Variants in AGBL4 observed in about 807,000 individuals in gnomAD.
AGBL4 encodes the protein cytosolic carboxypeptidase 6.
A neutral mutation model predicts 66.4 loss-of-function variants in AGBL4; 58 were observed. That is an observed-to-expected ratio of 0.87 (90% CI 0.71 to 1.09). The LOEUF is 1.09. Ranked by LOEUF, AGBL4 falls within the 50% of genes least tolerant of loss-of-function variation. AGBL4 has a pLI of 0.00. For synonymous variants in AGBL4, 234 were observed against 222.9 expected (o/e 1.05, Z -0.44); for missense variants, 579 against 631.0 (o/e 0.92, Z 0.88).
rs1411090426 is a variant in AGBL4 at position 49,853,579 on chromosome 1, C to G, written c.35-2061G>C. Reference sequence around the variant, plus strand: ...GAGTAAGAATGAAGCAGAAAGATACCTGAAGATATAACACCTGAGAATTTT... The same window carrying G: ...GAGTAAGAATGAAGCAGAAAGATACGTGAAGATATAACACCTGAGAATTTT... On this transcript the variant is annotated intron_variant, in intron 1 of 13. Transcript: ENST00000371839. Among the ~76,000 whole-genome samples the G allele has an allele frequency of 2.0e-5, 3 of 151,914 alleles. No individual in the cohort carries two copies. In the East Asian group the frequency reaches 5.8e-4, roughly 29 times the overall value.
chr1:48,525,003 G>A, the AGBL4 span, among the ~76,000 whole-genome samples: 1 of 152,060 alleles, frequency 6.6e-6, no homozygotes, highest in Non-Finnish European at 1.5e-5. Flanking sequence ...AGAAAAGGAG[G>A]GGTGTCAGCA....
At chr1:49,361,927 G>A (rs1266636124) in intron 3 of AGBL4, among the ~76,000 whole-genome samples, 1 of 152,084 alleles carries the variant, frequency 6.6e-6, no homozygotes, top group Non-Finnish European at 1.5e-5. Context: ...ATCTGTAATT[G>A]AATGTATAAT....
chr1:49,073,974 C>A (rs983953623), intron 4 of AGBL4, among the ~76,000 whole-genome samples: 1 of 152,146 alleles, frequency 6.6e-6, no homozygotes, highest in Non-Finnish European at 1.5e-5. Context: ...TAGAGAGGCA[C>A]CTTGCTGAGC....
intron 3 of AGBL4, among the ~76,000 whole-genome samples, chr1:49,531,478 T>A (rs1383317488): frequency 1.3e-5 from 2 of 152,100 alleles, no homozygotes; most frequent in Non-Finnish European, 2.9e-5. Flanking sequence ...AAAATGAGAA[T>A]AACCAAAGGA....
chr1:48,570,863 A>C (rs1442449272), intron 11 of AGBL4, among the ~76,000 whole-genome samples: 1 of 152,130 alleles, frequency 6.6e-6, no homozygotes, highest in Non-Finnish European at 1.5e-5. Context: ...CTTTCTTATG[A>C]GGGAACTCAA....
At chr1:49,088,029 A>C (rs1644938243) in intron 4 of AGBL4, among the ~76,000 whole-genome samples, 1 of 152,250 alleles carries the variant, frequency 6.6e-6, no homozygotes, top group South Asian at 2.1e-4. Context: ...CTGATAGGCA[A>C]ATAGTAACAC....
intron 3 of AGBL4, among the ~76,000 whole-genome samples, chr1:49,349,664 C>G (rs1424075919): frequency 1.3e-5 from 2 of 152,240 alleles, no homozygotes; most frequent in African/African-American, 4.8e-5. Flanking sequence ...TTTGCCCCCT[C>G]TAGACTGGTA....
chr1:49,834,863 T>A (rs1225208199), intron 2 of AGBL4, among the ~76,000 whole-genome samples: 2 of 152,212 alleles, frequency 1.3e-5, no homozygotes, highest in African/African-American at 4.8e-5. Flanking sequence ...TTGTTCAGTT[T>A]CCATATAGCT....
At chr1:50,006,677 A>G (rs1168269716) in intron 1 of AGBL4, among the ~76,000 whole-genome samples, 1 of 151,902 alleles carries the variant, frequency 6.6e-6, no homozygotes, top group African/African-American at 2.4e-5. Context: ...AAGGGAAAAA[A>G]AAAAACAAAA....
intron 5 of AGBL4, among the ~76,000 whole-genome samples, chr1:48,991,019 TTATAA>T (rs139497292): frequency 0.045 from 6,789 of 152,216 alleles, 173 homozygotes; most frequent in East Asian, 0.072. Context: ...AATTACAATG[TTATAA>T]TATCCTATGT....
chr1:50,017,153 CT>C (rs1662048434), intron 1 of AGBL4: 1 of 152,068 alleles, frequency 6.6e-6, no homozygotes, highest in Admixed American at 6.6e-5. Context: ...GCAACCACAT[CT>C]ATAATTCTCA....
At chr1:48,866,857 T>G (rs1267892221) in intron 6 of AGBL4, among the ~76,000 whole-genome samples, 1 of 152,172 alleles carries the variant, frequency 6.6e-6, no homozygotes, top group East Asian at 1.9e-4. Flanking sequence ...TTCCACATGA[T>G]TCTAAAACTT....
At chr1:48,730,780 A>C (rs1647994203) in intron 6 of AGBL4, among the ~76,000 whole-genome samples, 1 of 152,222 alleles carries the variant, frequency 6.6e-6, no homozygotes, top group Non-Finnish European at 1.5e-5. Context: ...TTAATTAACA[A>C]GGTTTATAAC....
chr1:49,190,899 C>T (rs1233264033), intron 4 of AGBL4, among the ~76,000 whole-genome samples: 2 of 152,130 alleles, frequency 1.3e-5, no homozygotes, highest in African/African-American at 2.4e-5. Flanking sequence ...TTTTACAGGC[C>T]TGGAACTCCT....
At chr1:49,905,702 A>G (rs779168026) in intron 1 of AGBL4, among the ~76,000 whole-genome samples, 2 of 152,142 alleles carry the variant, frequency 1.3e-5, no homozygotes, top group African/African-American at 2.4e-5. Flanking sequence ...ATTTCAACAG[A>G]TCCTAAAATT....
At chr1:49,315,718 T>C (rs1043777883) in intron 3 of AGBL4, among the ~76,000 whole-genome samples, 3 of 152,070 alleles carry the variant, frequency 2.0e-5, no homozygotes, top group African/African-American at 7.2e-5. Context: ...CTCACAAAAT[T>C]AAATGTACTC....
rs139324062 is a variant in AGBL4 at position 48,662,985 on chromosome 1, A to G, written c.724+167T>C. Among the ~76,000 whole-genome samples the G allele has an allele frequency of 1.5e-3, 225 of 152,374 alleles. 3 individuals are homozygous for G. The highest frequency in any genetic ancestry group is 0.011 in the Admixed American group (174 of 15,298). ...TCATACATACGTCTAGTCAATAAAC[A>G]TTTATTGAAATAAAACCTAATGGAG... On this transcript the variant is annotated intron_variant, in intron 7 of 13. Coordinates refer to ENST00000371839, the MANE Select transcript of AGBL4 (RefSeq NM_032785.4).
At chr1:48,581,251 G>C (rs763874176) in intron 11 of AGBL4, among the ~76,000 whole-genome samples, 55 of 152,304 alleles carry the variant, frequency 3.6e-4, no homozygotes, top group Middle Eastern at 3.4e-3. Context: ...AGGACGCAGT[G>C]CAAGGCATAT....
At chr1:49,186,491 A>G (rs1647019037) in intron 4 of AGBL4, among the ~76,000 whole-genome samples, 1 of 152,184 alleles carries the variant, frequency 6.6e-6, no homozygotes, top group Admixed American at 6.6e-5. Flanking sequence ...TCTGGTCCTC[A>G]GTTTTATCAC....
Sources: allele counts gnomAD v4.1 joint callset (sites outside exome capture counted in the v4.1 genomes callset), GRCh38; gene constraint gnomAD v4.1.1; transcripts MANE v1.5; gene names NCBI Gene and HGNC (gene_info 2026-07-23, HGNC 2026-07-21).